Variants in SUPT3H observed in about 807,000 individuals in gnomAD.
SUPT3H encodes the protein transcription initiation protein SPT3 homolog.
SUPT3H carries 44 observed loss-of-function variants against 44.3 expected under a neutral mutation model. The ratio of observed to expected loss-of-function variants is 0.99; its 90% CI spans 0.78 to 1.28. The LOEUF is 1.28. Among genes scored for constraint, SUPT3H ranks in the 50% most tolerant of loss-of-function variants. SUPT3H has a pLI of 0.00. For synonymous variants in SUPT3H, 124 were observed against 125.6 expected (o/e 0.99, Z 0.09); for missense variants, 380 against 387.1 (o/e 0.98, Z 0.15).
chr6:44,933,354 G>A (rs992580761), intron 9 of SUPT3H, among the ~76,000 whole-genome samples: 1 of 152,066 alleles, frequency 6.6e-6, no homozygotes, highest in African/African-American at 2.4e-5. Context: ...AGGTTTGCAA[G>A]CACAAAAAGA....
At chr6:45,125,207 A>T (rs1802258676) in intron 2 of SUPT3H, among the ~76,000 whole-genome samples, 1 of 152,202 alleles carries the variant, frequency 6.6e-6, no homozygotes, top group Non-Finnish European at 1.5e-5. Context: ...CAAACTTATC[A>T]ACGTATTAGG....
At chr6:44,902,596 C>T (rs1459467906) in intron 10 of SUPT3H, among the ~76,000 whole-genome samples, 1 of 152,102 alleles carries the variant, frequency 6.6e-6, no homozygotes, top group East Asian at 1.9e-4. Context: ...CTTTAACACC[C>T]CACTGTCAAT....
At chr6:45,203,118 T>C (rs1017443060) in intron 2 of SUPT3H, among the ~76,000 whole-genome samples, 1 of 151,972 alleles carries the variant, frequency 6.6e-6, no homozygotes, top group African/African-American at 2.4e-5. Context: ...AAAATACAGG[T>C]TTTATAAAGC....
chr6:45,335,738 A>G (rs1213563684), intron 2 of SUPT3H, among the ~76,000 whole-genome samples: 1 of 151,294 alleles, frequency 6.6e-6, no homozygotes, highest in Non-Finnish European at 1.5e-5. Flanking sequence ...GACACCATGA[A>G]GTAATCTATG....
chr6:45,252,315 G>A (rs1442497212), intron 2 of SUPT3H, among the ~76,000 whole-genome samples: 3 of 152,138 alleles, frequency 2.0e-5, no homozygotes, highest in South Asian at 2.1e-4. Context: ...ATCCAAAAAT[G>A]AGTAATGCAC....
chr6:45,200,506 T>C (rs1410133553), intron 2 of SUPT3H, among the ~76,000 whole-genome samples: 1 of 151,492 alleles, frequency 6.6e-6, no homozygotes, highest in Non-Finnish European at 1.5e-5. Context: ...ATTTTTTAGG[T>C]GCAGCTGGTA....
Position 45,176,352 on chromosome 6 carries a change from T to C in SUPT3H, c.102-70346A>G, listed in dbSNP as rs544695021. Among the ~76,000 whole-genome samples, 53 of 151,988 alleles carry C rather than the reference T, an allele frequency of 3.5e-4. 1 individual carries two copies. The South Asian group carries it at 0.01, about 29-fold the overall frequency. ...AAATCGGGTCACTCCCACCCGAATA[T>C]TGCGCTTTTCAGACCGGCTTAAAAA... On this transcript the variant is annotated intron_variant, in intron 2 of 10. Transcript: ENST00000371459.
At position 45,299,267 on chromosome 6, in the gene SUPT3H, C is replaced by G. The variant is rs574382937; in HGVS notation, c.101+65934G>C. ...ACTTGGATCACTTGAACCCAGGAGG[C>G]AGAGGTTGCAGTAAGCTGAGATTGC... On this transcript the variant is annotated intron_variant, in intron 2 of 10. Transcript: ENST00000371459. Among the ~76,000 whole-genome samples, 6 of 147,472 alleles carry G rather than the reference C, an allele frequency of 4.1e-5. No homozygotes were observed. The East Asian group carries it at 1.2e-3, about 29-fold the overall frequency.
At chr6:45,281,238 G>A (rs1156643009) in intron 2 of SUPT3H, among the ~76,000 whole-genome samples, 1 of 152,234 alleles carries the variant, frequency 6.6e-6, no homozygotes, top group Admixed American at 6.5e-5. Context: ...CTGTCAGACA[G>A]TGGGGACAGG....
intron 2 of SUPT3H, among the ~76,000 whole-genome samples, chr6:45,126,987 T>G (rs186403686): frequency 6.6e-6 from 1 of 152,174 alleles, no homozygotes; most frequent in African/African-American, 2.4e-5. Context: ...TGAATAATGC[T>G]GTTTTCCCTC....
chr6:44,952,227 C>T (rs148962123), intron 9 of SUPT3H, among the ~76,000 whole-genome samples: 2,974 of 152,118 alleles, frequency 0.02, 55 homozygotes, highest in South Asian at 0.092. Flanking sequence ...AAATTTAAAC[C>T]TAGGGTCCAT....
intron 2 of SUPT3H, among the ~76,000 whole-genome samples, chr6:45,295,524 CAAAAAAAAAAAAAAAA>C (rs752887669): frequency 0.011 from 429 of 40,098 alleles, 9 homozygotes; most frequent in African/African-American, 0.036. Flanking sequence ...TTTTGCACAG[CAAAAAAAAAAAAAAAA>C]AAAAAAAAAA....
At chr6:45,013,863 G>C (rs1783848259) in intron 5 of SUPT3H, among the ~76,000 whole-genome samples, 1 of 152,078 alleles carries the variant, frequency 6.6e-6, no homozygotes, top group African/African-American at 2.4e-5. Context: ...AGTTAAGGTG[G>C]CAGAATGGTG....
intron 3 of SUPT3H, among the ~76,000 whole-genome samples, chr6:45,092,645 G>T (rs1797279915): frequency 6.6e-6 from 1 of 151,750 alleles, no homozygotes; most frequent in South Asian, 2.1e-4. Flanking sequence ...AGCTACTTGG[G>T]GGACCGAGGC....
chr6:44,920,862 T>C (rs1322401862), intron 10 of SUPT3H, among the ~76,000 whole-genome samples: 1 of 152,218 alleles, frequency 6.6e-6, no homozygotes, highest in Non-Finnish European at 1.5e-5. Flanking sequence ...TATTTTTCAT[T>C]TTATTCCTGC....
intron 2 of SUPT3H, among the ~76,000 whole-genome samples, chr6:45,336,276 T>A (rs1381812429): frequency 1.3e-5 from 2 of 151,460 alleles, no homozygotes; most frequent in African/African-American, 4.8e-5. Flanking sequence ...GAAAGCTTTA[T>A]TCTTGATTAT....
chr6:45,037,790 G>A (rs1246514409), intron 3 of SUPT3H, among the ~76,000 whole-genome samples: 1 of 150,060 alleles, frequency 6.7e-6, no homozygotes, highest in African/African-American at 2.4e-5. Flanking sequence ...GGCAACAAGA[G>A]CGAAACTCAG....
At chr6:45,084,511 T>C (rs1796240084) in intron 3 of SUPT3H, among the ~76,000 whole-genome samples, 1 of 152,176 alleles carries the variant, frequency 6.6e-6, no homozygotes, top group Admixed American at 6.5e-5. Context: ...CATACACTGC[T>C]GGTAGGAATG....
chr6:45,122,994 G>A (rs1040122616), intron 2 of SUPT3H, among the ~76,000 whole-genome samples: 1 of 152,046 alleles, frequency 6.6e-6, no homozygotes, highest in Non-Finnish European at 1.5e-5. Flanking sequence ...ATTACTTAAT[G>A]GAAGCTAGGT....
Sources: gnomAD v4.1 joint callset for allele counts (sites outside exome capture counted in the v4.1 genomes callset) on GRCh38, gnomAD v4.1.1 for gene constraint, MANE v1.5 for transcripts, NCBI Gene and HGNC (gene_info 2026-07-23, HGNC 2026-07-21) for gene names.